Variants in ZBTB11 observed in about 807,000 individuals in gnomAD.
The protein encoded by ZBTB11 is zinc finger and BTB domain-containing protein 11.
ZBTB11 carries 68 observed loss-of-function variants against 113.1 expected under a neutral mutation model. The ratio of observed to expected loss-of-function variants is 0.60; its 90% CI spans 0.49 to 0.74. The LOEUF is 0.74. ZBTB11 is among the 30% of genes least tolerant of loss of function. The pLI is 0.00. For missense variants in ZBTB11, 1,104 were observed against 1,279.4 expected, an observed-to-expected ratio of 0.86 and a Z score of 2.09; for synonymous variants, 518 against 452.6, an observed-to-expected ratio of 1.14 and a Z score of -1.83.
intron 8 of ZBTB11, among the ~76,000 whole-genome samples, chr3:101,653,631 T>C (rs996661376): frequency 5.9e-5 from 9 of 152,146 alleles, no homozygotes; most frequent in African/African-American, 2.2e-4. Context: ...ACTATCTTTG[T>C]TTCAAAATAA....
intron 6 of ZBTB11, among the ~76,000 whole-genome samples, chr3:101,656,823 C>G (rs1247670799): frequency 6.6e-6 from 1 of 151,988 alleles, no homozygotes; most frequent in Non-Finnish European, 1.5e-5. Context: ...AGACCAGAGG[C>G]CCAACTAATA....
intron 3 of ZBTB11, among the ~76,000 whole-genome samples, chr3:101,667,203 G>T (rs923569943): frequency 3.3e-5 from 5 of 152,020 alleles, no homozygotes; most frequent in Non-Finnish European, 2.9e-5. Flanking sequence ...GCGTGCACCT[G>T]GTTATTTTTA....
chr3:101,665,159 T>C lies in ZBTB11; in HGVS notation c.1428A>G (p.Lys476=). ...CAEDIPKHRQ[K]VDQPLKDQEN... is the part of the protein sequence containing the mutation. Reference sequence around the variant, plus strand: ...CCTGATCTTTTAAAGGTTGGTCAACTTTCTGCCTATGTTTTGGAATGTCTT... The same window carrying C: ...CCTGATCTTTTAAAGGTTGGTCAACCTTCTGCCTATGTTTTGGAATGTCTT... The change falls in exon 4 of 11, where the codon AAA becomes AAG. Residue 476 remains lysine (K), a synonymous_variant. Coordinates refer to ENST00000312938, the MANE Select transcript of ZBTB11 (RefSeq NM_014415.4). 6.2e-7 allele frequency: 1 copy of C among 1,614,202 alleles called. No homozygotes were observed. Among genetic ancestry groups the C allele is most frequent in the Non-Finnish European group, 8.5e-7 (1 of 1,180,034 alleles).
chr3:101,674,319 G>GA (rs1349126369), intron 1 of ZBTB11, among the ~76,000 whole-genome samples: 1 of 149,368 alleles, frequency 6.7e-6, no homozygotes, highest in African/African-American at 2.5e-5. Flanking sequence ...CTGTCTCAAA[G>GA]AAAAAAAGAG....
chr3:101,660,294 A>G (rs1304481731), intron 5 of ZBTB11, among the ~76,000 whole-genome samples: 1 of 152,212 alleles, frequency 6.6e-6, no homozygotes, highest in Non-Finnish European at 1.5e-5. Flanking sequence ...AAACAAAGAT[A>G]GAATTCTATC....
intron 1 of ZBTB11, among the ~76,000 whole-genome samples, chr3:101,673,843 A>G (rs1338652922): frequency 6.6e-6 from 1 of 152,126 alleles, no homozygotes; most frequent in Non-Finnish European, 1.5e-5. Flanking sequence ...TCAATCTTCA[A>G]ATAGTATTCA....
At chr3:101,672,286 A>G in intron 1 of ZBTB11, 73 bp from the exon 2 acceptor site, 1 of 1,012,538 alleles carries the variant, frequency 9.9e-7, no homozygotes, top group South Asian at 1.6e-5. Context: ...TAGTCTGTGC[A>G]CATTAACACA....
chr3:101,652,735 A>T (rs947721668), intron 9 of ZBTB11, 45 bp downstream of exon 9: 1 of 1,610,300 alleles, frequency 6.2e-7, no homozygotes, highest in Non-Finnish European at 8.5e-7. Flanking sequence ...CAATCAGAGT[A>T]CACACGTTAT....
chr3:101,671,393 A>ATATTACCTG, intron 2 of ZBTB11, 32 bp from the exon 3 acceptor site: 2 of 1,537,186 alleles, frequency 1.3e-6, no homozygotes, highest in Non-Finnish European at 1.8e-6. Flanking sequence ...CAAGAGTAAC[A>ATATTACCTG]TATTACCTGT....
At position 101,651,602 on chromosome 3, in the gene ZBTB11, G is replaced by C; in HGVS notation, c.2726C>G (p.Thr909Ser). The C allele has an allele frequency of 6.2e-7, 1 of 1,611,456 alleles. No individual in the cohort carries two copies. Among genetic ancestry groups the C allele is most frequent in the Non-Finnish European group, 8.5e-7 (1 of 1,179,312 alleles). The change falls in exon 11 of 11, where the codon ACT (threonine) becomes AGT (serine). Residue 909 changes from threonine to serine, a missense_variant. Coordinates refer to ENST00000312938, the MANE Select transcript of ZBTB11 (RefSeq NM_014415.4). ...AGGACAGACATAGGGCCGTTCACCA[G>C]TATGTGTTCTGACATGGCGTTTTAG... is the stretch of plus-strand genomic sequence containing the variant. The part of the protein sequence containing the change: ...RSLKRHVRTH[T>S]GERPYVCPVC...
rs1002219171 is a variant in ZBTB11, at chr3:101,650,289, A to T, written c.*877T>A. On this transcript the variant is annotated 3_prime_UTR_variant, in exon 11 of 11. Coordinates refer to ENST00000312938, the MANE Select transcript of ZBTB11 (RefSeq NM_014415.4). ...GATACAAAAGCTGAAAACATACCAA[A>T]TCTAGTTTGTTTGTTCATTAACTTG... 6.6e-6 allele frequency: 1 copy of T among 152,304 alleles called. No homozygotes were observed. The highest frequency in any genetic ancestry group is 1.5e-5 in the Non-Finnish European group (1 of 68,028). The allele number at this position is 152,304 out of a possible 1,614,324, so 9.4% of individuals were successfully genotyped here.
Position 101,665,489 on chromosome 3 carries a change from C to T in ZBTB11, c.1098G>A (p.Leu366=). The T allele has an allele frequency of 6.2e-7, 1 of 1,614,150 alleles. No homozygotes were observed. Among genetic ancestry groups the T allele is most frequent in the Non-Finnish European group, 8.5e-7 (1 of 1,180,030 alleles). The change falls in exon 4 of 11, where the codon CTG becomes CTA. Residue 366 remains leucine, a synonymous_variant. Transcript: ENST00000312938. ...TELGDCEIVL[L]VNGELPEAEQ... is the part of the protein sequence containing the mutation. ...CAGCTTCTGGCAATTCTCCATTTAC[C>T]AGTAGTACAATTTCACAATCCCCAA...
rs1313334854 is a variant in ZBTB11, at chr3:101,665,638, T to C, written c.949A>G (p.Thr317Ala). Reference protein sequence around the residue: ...VHKLMEEKQLTVYKKGEVQTV... With the variant: ...VHKLMEEKQLAVYKKGEVQTV... ...TGTACTTCGCCCTTCTTATATACTG[T>C]TAGCTGCTTCTCTTCCATTAGCTTA... Residue 317 changes from threonine to alanine, a missense_variant, in exon 4 of 11, where the codon ACA becomes GCA. By Grantham distance (58) the Thr-to-Ala change is moderately conservative. Coordinates refer to ENST00000312938, the MANE Select transcript of ZBTB11 (RefSeq NM_014415.4). 6.2e-7 allele frequency: 1 copy of C among 1,614,242 alleles called. No individual in the cohort carries two copies. Among genetic ancestry groups the C allele is most frequent in the East Asian group, 2.2e-5 (1 of 44,890 alleles).
chr3:101,660,744 G>C (rs145174592), intron 5 of ZBTB11, among the ~76,000 whole-genome samples: 4 of 152,190 alleles, frequency 2.6e-5, no homozygotes, highest in East Asian at 3.9e-4. Flanking sequence ...TTCTTGAGTA[G>C]ACCAATTTCA....
chr3:101,677,129 G>C lies in ZBTB11; in HGVS notation c.-215C>G. On this transcript the variant is annotated 5_prime_UTR_variant, in exon 1 of 11. Transcript: ENST00000312938. Reference sequence around the variant, plus strand: ...TCTCCAGCGCGCGGGATCCGCTGGCGACTGACAAAATGGCTGCTGCACCAC... The same window carrying C: ...TCTCCAGCGCGCGGGATCCGCTGGCCACTGACAAAATGGCTGCTGCACCAC... 2 of 560,994 alleles carry C rather than the reference G, an allele frequency of 3.6e-6. No homozygotes were observed. The highest frequency in any genetic ancestry group is 6.1e-6 in the Non-Finnish European group (2 of 329,810). The allele number at this position is 560,994 out of a possible 1,614,324, so 34.8% of individuals were successfully genotyped here. A position where few individuals can be genotyped will look rare whatever the true frequency, so the allele number is the denominator to read the frequency against.
Position 101,676,725 on chromosome 3 carries a change from C to T in ZBTB11, c.190G>A (p.Val64Met). The change falls in exon 1 of 11, where the codon GTG (valine) becomes ATG (methionine). Residue 64 changes from valine to methionine, a missense_variant. Coordinates refer to ENST00000312938, the MANE Select transcript of ZBTB11 (RefSeq NM_014415.4). ...RHRKTFAELE[V>M]VLQPERRRDL... is the part of the protein sequence containing the mutation. ...CGGCGTCGCTCCGGCTGCAGCACCA[C>T]CTCCAGCTCCGCGAAGGTCTTGCGG... is the stretch of plus-strand genomic sequence containing the variant. 1.2e-6 allele frequency: 2 copies of T among 1,601,542 alleles called. No individual in the cohort carries two copies. The highest frequency in any genetic ancestry group is 1.7e-6 in the Non-Finnish European group (2 of 1,174,226).
intron 7 of ZBTB11, among the ~76,000 whole-genome samples, chr3:101,655,122 C>G (rs11925001): frequency 1.3e-5 from 2 of 152,124 alleles, no homozygotes; most frequent in East Asian, 3.9e-4. Context: ...GTGATCTACC[C>G]GCCTTGGCCT....
Position 101,652,766 on chromosome 3 carries a change from T to A in ZBTB11, c.2468+14A>T. ...GTTATCAATTAAGTTCAGCTCCTTC[T>A]CAAATTTACTCACCTATAAGGCTCA... is the stretch of plus-strand genomic sequence containing the variant. On this transcript the variant is annotated intron_variant, in intron 9 of 10. Coordinates refer to ENST00000312938, the MANE Select transcript of ZBTB11 (RefSeq NM_014415.4). 6.2e-7 allele frequency: 1 copy of A among 1,609,598 alleles called. No individual in the cohort carries two copies. Among genetic ancestry groups the A allele is most frequent in the Non-Finnish European group, 8.5e-7 (1 of 1,177,918 alleles).
At chr3:101,652,101 C>A (rs1936714444) in intron 10 of ZBTB11, among the ~76,000 whole-genome samples, 1 of 151,998 alleles carries the variant, frequency 6.6e-6, no homozygotes, top group Non-Finnish European at 1.5e-5. Context: ...TGCACTCCAG[C>A]CTGGGTGACA....
Sources: allele counts gnomAD v4.1 joint callset (sites outside exome capture counted in the v4.1 genomes callset), GRCh38; gene constraint gnomAD v4.1.1; transcripts MANE v1.5; gene names NCBI Gene and HGNC (gene_info 2026-07-23, HGNC 2026-07-21).